Variants in KDELR2 observed in about 807,000 individuals in gnomAD.
KDELR2 encodes the protein KDEL endoplasmic reticulum protein retention receptor 2, also known as ER lumen protein-retaining receptor 2.
In KDELR2, 15 loss-of-function variants were observed where a neutral mutation model predicts 23.9. That is an observed-to-expected ratio of 0.63 (90% CI 0.42 to 0.97). KDELR2 has a LOEUF of 0.97. Ranked by LOEUF, KDELR2 falls within the 50% of genes least tolerant of loss-of-function variation. The pLI is 0.00. For missense variants in KDELR2, 272 were observed against 254.6 expected (o/e 1.07, Z -0.46); for synonymous variants, 119 against 106.2 (o/e 1.12, Z -0.74).
chr7:6,470,696 A>G (rs1177200679), intron 2 of KDELR2, among the ~76,000 whole-genome samples: 3 of 152,308 alleles, frequency 2.0e-5, no homozygotes, highest in East Asian at 1.9e-4. Context: ...GGTACTCCTT[A>G]TAATTTTTGT....
intron 1 of KDELR2, among the ~76,000 whole-genome samples, chr7:6,482,058 A>G (rs1785909077): frequency 6.6e-6 from 1 of 152,020 alleles, no homozygotes; most frequent in Admixed American, 6.6e-5. Flanking sequence ...GCTGGAGTGC[A>G]ATGGCGCGAT....
intron 4 of KDELR2, among the ~76,000 whole-genome samples, chr7:6,464,979 A>T (rs769164351): frequency 7.3e-5 from 11 of 151,546 alleles, no homozygotes; most frequent in Admixed American, 3.3e-4. Flanking sequence ...CAGACGATCC[A>T]CCCATCTCGG....
chr7:6,483,694 C>A (rs1262737635), intron 1 of KDELR2, among the ~76,000 whole-genome samples: 1 of 152,230 alleles, frequency 6.6e-6, no homozygotes, highest in African/African-American at 2.4e-5. Context: ...TCAGACACAG[C>A]AGGGCCCCGC....
At chr7:6,480,179 T>C (rs1239131174) in intron 1 of KDELR2, among the ~76,000 whole-genome samples, 2 of 152,188 alleles carry the variant, frequency 1.3e-5, no homozygotes, top group East Asian at 3.8e-4. Flanking sequence ...CTACAGTAGA[T>C]ACACACTACT....
chr7:6,481,659 G>A (rs1464189525), intron 1 of KDELR2, among the ~76,000 whole-genome samples: 1 of 152,174 alleles, frequency 6.6e-6, no homozygotes, highest in Non-Finnish European at 1.5e-5. Context: ...GTTTGGGGCT[G>A]TAGTGAGCCG....
chr7:6,481,900 T>C (rs1785901649), intron 1 of KDELR2, among the ~76,000 whole-genome samples: 1 of 152,202 alleles, frequency 6.6e-6, no homozygotes, highest in African/African-American at 2.4e-5. Flanking sequence ...ATCACTAATT[T>C]ATTCCACTCC....
chr7:6,475,286 G>C (rs576306495), intron 1 of KDELR2, among the ~76,000 whole-genome samples: 1 of 152,222 alleles, frequency 6.6e-6, no homozygotes, highest in East Asian at 1.9e-4. Flanking sequence ...TGATAGCCAG[G>C]CAAGGTGGCA....
chr7:6,469,582 C>T lies in KDELR2; in HGVS notation c.351+14G>A, dbSNP rs1298413343. 1.1e-5 allele frequency: 17 copies of T among 1,611,720 alleles called. No homozygotes were observed. Among genetic ancestry groups the T allele is most frequent in the Non-Finnish European group, 1.4e-5 (16 of 1,179,174 alleles). On this transcript the variant is annotated intron_variant, in intron 3 of 4. Transcript: ENST00000258739. ...AGCCACCATGCCTGGCCCTAAGTAA[C>T]CTTTTAAACTAACCTCAAGAGGAGA...
At chr7:6,475,648 T>C (rs1366134814) in intron 1 of KDELR2, among the ~76,000 whole-genome samples, 1 of 152,206 alleles carries the variant, frequency 6.6e-6, no homozygotes, top group Non-Finnish European at 1.5e-5. Flanking sequence ...GCTGGACATT[T>C]ATGTGGTGTG....
At chr7:6,464,382 G>A (rs564160962) in intron 4 of KDELR2, among the ~76,000 whole-genome samples, 10 of 152,072 alleles carry the variant, frequency 6.6e-5, no homozygotes, top group Non-Finnish European at 1.2e-4. Context: ...AGCCGGGCGT[G>A]GTGGTGCGCA....
chr7:6,475,745 C>A (rs997237238), intron 1 of KDELR2, among the ~76,000 whole-genome samples: 35 of 152,190 alleles, frequency 2.3e-4, no homozygotes, highest in Non-Finnish European at 1.2e-4. Context: ...GGAGACTGAG[C>A]AAATGCATTA....
intron 3 of KDELR2, among the ~76,000 whole-genome samples, chr7:6,467,904 G>A (rs1284085234): frequency 6.6e-6 from 1 of 152,198 alleles, no homozygotes; most frequent in African/African-American, 2.4e-5. Flanking sequence ...TCAGCTCACT[G>A]CACAGTACTA....
intron 4 of KDELR2, among the ~76,000 whole-genome samples, chr7:6,465,357 TG>T (rs1466374557): frequency 6.6e-6 from 1 of 151,844 alleles, no homozygotes; most frequent in Non-Finnish European, 1.5e-5. Flanking sequence ...CTAAGTTTTT[TG>T]TATTTTTAGT....
chr7:6,472,976 C>A (rs569001001), intron 2 of KDELR2, among the ~76,000 whole-genome samples: 23 of 146,946 alleles, frequency 1.6e-4, no homozygotes, highest in Non-Finnish European at 2.8e-4. Flanking sequence ...GGTGCAATTA[C>A]GGCTCACTGC....
At chr7:6,470,239 T>C (rs1418196281) in intron 2 of KDELR2, 1 of 152,326 alleles carries the variant, frequency 6.6e-6, no homozygotes, top group African/African-American at 2.4e-5. Context: ...AGAAACTGGT[T>C]CCCGGCTGGG....
At chr7:6,468,712 AG>A (rs1233146881) in intron 3 of KDELR2, among the ~76,000 whole-genome samples, 4 of 151,538 alleles carry the variant, frequency 2.6e-5, no homozygotes, top group Admixed American at 6.6e-5. Context: ...TCACCGTGTT[AG>A]CTGGATGGTC....
intron 1 of KDELR2, among the ~76,000 whole-genome samples, chr7:6,477,158 G>C (rs1338035491): frequency 6.6e-6 from 1 of 152,218 alleles, no homozygotes; most frequent in Non-Finnish European, 1.5e-5. Flanking sequence ...GAGGGTGAGA[G>C]AGCCCCAGGT....
chr7:6,478,558 T>C (rs527801062), intron 1 of KDELR2, among the ~76,000 whole-genome samples: 4 of 152,306 alleles, frequency 2.6e-5, no homozygotes, highest in African/African-American at 9.6e-5. Context: ...GGGTTTTTAT[T>C]TGTAGGAGTA....
chr7:6,478,431 C>T (rs1044179649), intron 1 of KDELR2, among the ~76,000 whole-genome samples: 12 of 152,056 alleles, frequency 7.9e-5, no homozygotes, highest in South Asian at 2.1e-4. Flanking sequence ...CACACCTGGC[C>T]GCACTGCTAT....
Sources: allele counts gnomAD v4.1 joint callset (sites outside exome capture counted in the v4.1 genomes callset), GRCh38; gene constraint gnomAD v4.1.1; transcripts MANE v1.5; gene names NCBI Gene and HGNC (gene_info 2026-07-23, HGNC 2026-07-21).